CFAP70: variants seen among roughly 807,000 people sequenced by gnomAD.
CFAP70 encodes cilia- and flagella-associated protein 70.
A neutral mutation model predicts 137.6 loss-of-function variants in CFAP70; 81 were observed. That is an observed-to-expected ratio of 0.59 (90% CI 0.49 to 0.71). The LOEUF (loss-of-function observed/expected upper bound fraction) is 0.71, where lower values mean the gene tolerates loss of function less well. CFAP70 is among the 30% of genes least tolerant of loss of function. CFAP70 has a pLI of 0.00. For synonymous variants in CFAP70, 382 were observed against 423.6 expected, an observed-to-expected ratio of 0.90 and a Z score of 1.20; for missense variants, 976 against 1,226.7, an observed-to-expected ratio of 0.80 and a Z score of 3.05.
At chr10:73,304,704 T>C (rs1015474625) in intron 12 of CFAP70, among the ~76,000 whole-genome samples, 1 of 152,160 alleles carries the variant, frequency 6.6e-6, no homozygotes, top group African/African-American at 2.4e-5. Flanking sequence ...AAAATACATG[T>C]AATAAATAGT....
chr10:73,335,194 A>G (rs2052528826), intron 7 of CFAP70, among the ~76,000 whole-genome samples: 1 of 151,348 alleles, frequency 6.6e-6, no homozygotes, highest in South Asian at 2.1e-4. Context: ...GGCCCAGCTC[A>G]GACTTCTTTT....
At chr10:73,301,803 T>C (rs1409063850) in intron 12 of CFAP70, among the ~76,000 whole-genome samples, 2 of 152,178 alleles carry the variant, frequency 1.3e-5, no homozygotes, top group Admixed American at 6.5e-5. Context: ...AATATGATGA[T>C]GTCACAACAA....
chr10:73,353,044 T>C (rs1027313716), intron 3 of CFAP70, among the ~76,000 whole-genome samples: 4 of 152,266 alleles, frequency 2.6e-5, no homozygotes, highest in African/African-American at 7.2e-5. Context: ...TCGCTTAGAA[T>C]GTGGCCAATT....
intron 6 of CFAP70, among the ~76,000 whole-genome samples, chr10:73,335,836 G>A (rs916714946): frequency 7.2e-6 from 1 of 139,842 alleles, no homozygotes; most frequent in Non-Finnish European, 1.6e-5. Flanking sequence ...TGGAGTTTTT[G>A]TTTTTTTTTT....
At chr10:73,327,015 C>G (rs1384832203) in intron 8 of CFAP70, among the ~76,000 whole-genome samples, 2 of 151,572 alleles carry the variant, frequency 1.3e-5, no homozygotes, top group South Asian at 2.1e-4. Context: ...GATACCAAAG[C>G]CTGGCAGAGA....
intron 12 of CFAP70, among the ~76,000 whole-genome samples, chr10:73,303,996 A>G (rs2049165333): frequency 6.6e-6 from 1 of 151,626 alleles, no homozygotes; most frequent in Non-Finnish European, 1.5e-5. Flanking sequence ...TTCCTTTTCC[A>G]TCGTTTTGAG....
intron 19 of CFAP70, among the ~76,000 whole-genome samples, chr10:73,282,826 C>CTTTTTTTTTTTT (rs1203127459): frequency 3.3e-5 from 3 of 90,932 alleles, no homozygotes; most frequent in African/African-American, 1.3e-4. Flanking sequence ...TTCCTGTTAT[C>CTTTTTTTTTTTT]TTTTTTTTTT....
chr10:73,316,174 T>C (rs1339703752), intron 9 of CFAP70, among the ~76,000 whole-genome samples: 1 of 152,068 alleles, frequency 6.6e-6, no homozygotes, highest in African/African-American at 2.4e-5. Context: ...ATAGTATATC[T>C]TTTGTACCTT....
At chr10:73,310,666 A>G (rs1164939743) in intron 11 of CFAP70, among the ~76,000 whole-genome samples, 1 of 152,172 alleles carries the variant, frequency 6.6e-6, no homozygotes, top group African/African-American at 2.4e-5. Flanking sequence ...ACCAACTCCA[A>G]GTGCTGGACA....
intron 15 of CFAP70, chr10:73,295,299 A>AAGAAAGAGAGAAAGGG (rs1420475493): frequency 1.2e-4 from 18 of 151,214 alleles, no homozygotes; most frequent in African/African-American, 3.9e-4. Context: ...CTGGGCGAGA[A>AAGAAAGAGAGAAAGGG]AGAAAGAGAG....
At chr10:73,278,036 G>T in intron 20 of CFAP70, 143 bp downstream of exon 21, 1 of 698,174 alleles carries the variant, frequency 1.4e-6, no homozygotes, top group Non-Finnish European at 2.4e-6. Flanking sequence ...TGCTTACTGA[G>T]AGAGTTACAC....
At chr10:73,293,567 C>G (rs1484945752) in intron 15 of CFAP70, 179 bp from the exon 17 acceptor site, 6 of 485,724 alleles carry the variant, frequency 1.2e-5, no homozygotes, top group Admixed American at 3.9e-5. Flanking sequence ...AGAGAAATGT[C>G]AAGGGTGAAG....
At chr10:73,302,079 G>A (rs1388719729) in intron 12 of CFAP70, among the ~76,000 whole-genome samples, 1 of 152,190 alleles carries the variant, frequency 6.6e-6, no homozygotes, top group Non-Finnish European at 1.5e-5. Context: ...AGTCCCAGAT[G>A]AGGGACTACT....
chr10:73,267,371 C>A (rs2045872792), intron 25 of CFAP70, among the ~76,000 whole-genome samples: 1 of 152,214 alleles, frequency 6.6e-6, no homozygotes. Flanking sequence ...TTCTTCACAG[C>A]ACAGTGGTCC....
intron 12 of CFAP70, among the ~76,000 whole-genome samples, chr10:73,303,335 A>C (rs1028660675): frequency 6.6e-6 from 1 of 152,166 alleles, no homozygotes. Context: ...CTCCTGCCTC[A>C]GCCTCCTGAG....
At chr10:73,299,196 C>T (rs909153294) in intron 13 of CFAP70, 95 bp from the exon 15 acceptor site, 6 of 890,724 alleles carry the variant, frequency 6.7e-6, no homozygotes, top group Admixed American at 5.4e-5. Context: ...TTCCATGATA[C>T]TTTATTAGTT....
intron 15 of CFAP70, chr10:73,296,695 AAAAAATT>A (rs2131958384): frequency 6.3e-6 from 1 of 159,562 alleles, no homozygotes. Flanking sequence ...GATATTCAAT[AAAAAATT>A]AAGAATTGTA....
At chr10:73,324,727 G>A (rs1281156270) in intron 8 of CFAP70, among the ~76,000 whole-genome samples, 3 of 152,158 alleles carry the variant, frequency 2.0e-5, no homozygotes, top group Admixed American at 2.0e-4. Context: ...ACTGGAAGAA[G>A]GAGTATCAGT....
chr10:73,345,175 T>TG (rs775200613), intron 4 of CFAP70: 1 of 1,614,188 alleles, frequency 6.2e-7, no homozygotes, highest in Non-Finnish European at 8.5e-7. Context: ...TTCAGTAGAT[T>TG]GCCCCCTGAG....
Sources: allele counts gnomAD v4.1 joint callset (sites outside exome capture counted in the v4.1 genomes callset), GRCh38; gene constraint gnomAD v4.1.1; transcripts MANE v1.5; gene names NCBI Gene and HGNC (gene_info 2026-07-23, HGNC 2026-07-21).